PCTP: variants seen among roughly 807,000 people sequenced by gnomAD.
PCTP encodes the protein phosphatidylcholine transfer protein.
In PCTP, 27 loss-of-function variants were observed where a neutral mutation model predicts 31.0. The ratio of observed to expected loss-of-function variants is 0.87; its 90% CI spans 0.64 to 1.20. The LOEUF (loss-of-function observed/expected upper bound fraction) is 1.20, where lower values mean the gene tolerates loss of function less well. Ranked by LOEUF, PCTP falls within the 50% of genes most tolerant of loss-of-function variation. The pLI, the probability that PCTP is intolerant of heterozygous loss-of-function variation, is 0.00. For synonymous variants in PCTP, 108 were observed against 101.2 expected, an observed-to-expected ratio of 1.07 and a Z score of -0.40; for missense variants, 287 against 268.2, an observed-to-expected ratio of 1.07 and a Z score of -0.49.
In PCTP at chr17:55,776,627, T is replaced by G; in HGVS notation, c.*527T>G. 3 of 1,230,526 alleles carry G rather than the reference T, an allele frequency of 2.4e-6. No individual in the cohort carries two copies. The highest frequency in any genetic ancestry group is 3.0e-6 in the Non-Finnish European group (3 of 987,766). 76.2% of individuals were successfully genotyped at this position (1,230,526 alleles called of 1,614,324 possible). On this transcript the variant is annotated 3_prime_UTR_variant, in exon 6 of 6. Transcript: ENST00000268896. ...ACCCAAACTGGATGACGTGCCAATG[T>G]CCATTTGCCTTATGCTTTGTGGAGC...
At chr17:55,762,482 T>C (rs1189727630) in intron 1 of PCTP, among the ~76,000 whole-genome samples, 1 of 151,924 alleles carries the variant, frequency 6.6e-6, no homozygotes, top group Non-Finnish European at 1.5e-5. Flanking sequence ...TAATCTAGGA[T>C]GACAGGGTTC....
intron 3 of PCTP, among the ~76,000 whole-genome samples, chr17:55,804,587 A>G (rs1452945803): frequency 6.6e-6 from 1 of 152,202 alleles, no homozygotes; most frequent in African/African-American, 2.4e-5. Flanking sequence ...GCTGGAAACC[A>G]TCATTCTTAG....
intron 3 of PCTP, among the ~76,000 whole-genome samples, chr17:55,814,101 G>A (rs1037296446): frequency 3.3e-5 from 5 of 151,288 alleles, no homozygotes; most frequent in African/African-American, 9.7e-5. Flanking sequence ...TCAATGCGTC[G>A]ATTACAAAGC....
Position 55,751,150 on chromosome 17 carries a change from C to G in PCTP, c.47C>G (p.Ala16Gly). 6.5e-7 allele frequency: 1 copy of G among 1,547,848 alleles called. No individual in the cohort carries two copies. Reference sequence around the variant, plus strand: ...TTCTCGGAGGAGCAGTTCTGGGAGGCCTGCGCCGAGCTCCAGCAGCCCGCT... The same window carrying G: ...TTCTCGGAGGAGCAGTTCTGGGAGGGCTGCGCCGAGCTCCAGCAGCCCGCT... ...GSFSEEQFWEACAELQQPALA... is the reference protein window; with the variant it reads ...GSFSEEQFWEGCAELQQPALA... The change falls in exon 1 of 6, where the codon GCC becomes GGC. Residue 16 changes from alanine (A) to glycine (G), a missense_variant. Coordinates refer to ENST00000268896, the MANE Select transcript of PCTP (RefSeq NM_021213.4).
chr17:55,759,414 C>T (rs2960073), intron 1 of PCTP, among the ~76,000 whole-genome samples: 124,415 of 152,146 alleles, frequency 0.82, 54,586 homozygotes, highest in Non-Finnish European at 0.98. Flanking sequence ...TCAGATTTAG[C>T]CAACTATCTG....
chr17:55,804,293 G>T (rs1912501650), intron 3 of PCTP, among the ~76,000 whole-genome samples: 1 of 152,176 alleles, frequency 6.6e-6, no homozygotes, highest in Non-Finnish European at 1.5e-5. Flanking sequence ...AACAATTGTG[G>T]AAGACAGTGT....
intron 3 of PCTP, among the ~76,000 whole-genome samples, chr17:55,813,679 A>G (rs1291064444): frequency 1.3e-5 from 2 of 152,192 alleles, no homozygotes; most frequent in African/African-American, 4.8e-5. Context: ...TTGCTCGTGC[A>G]TCATCTATTC....
At chr17:55,779,686 C>G (rs1294750125), downstream of PCTP, among the ~76,000 whole-genome samples, 1 of 152,204 alleles carries the variant, frequency 6.6e-6, no homozygotes, top group Non-Finnish European at 1.5e-5. Context: ...ATTCATTTTT[C>G]TCCATGATTC....
intron 5 of PCTP, among the ~76,000 whole-genome samples, chr17:55,831,258 C>T (rs1905586999): frequency 1.3e-5 from 2 of 152,168 alleles, no homozygotes; most frequent in South Asian, 4.1e-4. Flanking sequence ...TATAATTATC[C>T]TTGTACTTAA....
intron 3 of PCTP, among the ~76,000 whole-genome samples, chr17:55,791,546 C>A (rs1398959127): frequency 6.7e-6 from 1 of 148,182 alleles, no homozygotes; most frequent in Non-Finnish European, 1.5e-5. Context: ...CCAAAAAACA[C>A]ATGAAAAAAT....
At chr17:55,755,304 G>A (rs1909950931) in intron 1 of PCTP, among the ~76,000 whole-genome samples, 1 of 152,156 alleles carries the variant, frequency 6.6e-6, no homozygotes, top group Admixed American at 6.5e-5. Flanking sequence ...CATAGAGGTG[G>A]CCAACCTAAG....
At chr17:55,798,505 A>G (rs1468821159) in intron 3 of PCTP, among the ~76,000 whole-genome samples, 3 of 152,032 alleles carry the variant, frequency 2.0e-5, no homozygotes, top group Non-Finnish European at 2.9e-5. Flanking sequence ...ATATGTTAGC[A>G]TTAACGAAAG....
At chr17:55,761,889 CT>C (rs2144926801) in intron 1 of PCTP, among the ~76,000 whole-genome samples, 1 of 152,176 alleles carries the variant, frequency 6.6e-6, no homozygotes, top group East Asian at 1.9e-4. Flanking sequence ...TGTCAGTCTA[CT>C]TTTTTACCTT....
intron 5 of PCTP, among the ~76,000 whole-genome samples, chr17:55,841,276 G>A (rs9911001): frequency 0.096 from 14,592 of 152,158 alleles, 921 homozygotes; most frequent in African/African-American, 0.18. Context: ...TCACAGCTTG[G>A]AGATTGCACT....
intron 1 of PCTP, among the ~76,000 whole-genome samples, chr17:55,763,293 C>A (rs1267940679): frequency 6.6e-6 from 1 of 152,152 alleles, no homozygotes; most frequent in East Asian, 1.9e-4. Flanking sequence ...TGGTGCCCAA[C>A]GCTGGTGAGA....
chr17:55,844,931 C>CA (rs199825021), downstream of PCTP, among the ~76,000 whole-genome samples: 866 of 151,294 alleles, frequency 5.7e-3, 5 homozygotes, highest in African/African-American at 0.02. Flanking sequence ...CTACTAGATA[C>CA]AAAAAATTAG....
intron 1 of PCTP, among the ~76,000 whole-genome samples, chr17:55,764,097 T>G (rs1356441558): frequency 6.6e-6 from 1 of 152,226 alleles, no homozygotes; most frequent in Non-Finnish European, 1.5e-5. Context: ...CTGTGCCATA[T>G]AACAGGATGG....
At chr17:55,761,169 T>G (rs983425871) in intron 1 of PCTP, among the ~76,000 whole-genome samples, 1 of 152,124 alleles carries the variant, frequency 6.6e-6, no homozygotes, top group East Asian at 1.9e-4. Context: ...TCTGTAAAGG[T>G]AGAGATAACA....
At chr17:55,851,460 T>C in the PCTP span, among the ~76,000 whole-genome samples, 1 of 152,242 alleles carries the variant, frequency 6.6e-6, no homozygotes, top group East Asian at 1.9e-4. Flanking sequence ...TGGGTAGTAC[T>C]GGAGGCCAAC....
Sources: gnomAD v4.1 joint callset for allele counts (sites outside exome capture counted in the v4.1 genomes callset) on GRCh38, gnomAD v4.1.1 for gene constraint, MANE v1.5 for transcripts, NCBI Gene and HGNC (gene_info 2026-07-23, HGNC 2026-07-21) for gene names.